BMP1: variants seen among roughly 807,000 people sequenced by gnomAD.
The protein encoded by BMP1 is bone morphogenetic protein 1.
In BMP1, 63 loss-of-function variants were observed where a neutral mutation model predicts 116.8. That is an observed-to-expected ratio of 0.54 (90% CI 0.44 to 0.67). The LOEUF (loss-of-function observed/expected upper bound fraction) is 0.67, where lower values mean the gene tolerates loss of function less well. Among genes scored for constraint, BMP1 ranks in the 30% least tolerant of loss-of-function variants. BMP1 has a pLI of 0.00. For synonymous variants in BMP1, 536 were observed against 533.4 expected (o/e 1.00, Z -0.07); for missense variants, 1,183 against 1,358.9 (o/e 0.87, Z 2.04).
chr8:22,206,830 C>A, intron 16 of BMP1, 24 bp from the exon 17 acceptor site: 1 of 1,614,012 alleles, frequency 6.2e-7, no homozygotes, highest in South Asian at 1.1e-5. Context: ...TCTCTATCCC[C>A]TTCCGTCACT....
At chr8:22,170,564 A>G (rs960508124) in intron 1 of BMP1, 3 of 152,180 alleles carry the variant, frequency 2.0e-5, no homozygotes, top group Non-Finnish European at 4.4e-5. Flanking sequence ...CCTTTGCTCT[A>G]TGTCCAAAGG....
At chr8:22,176,079 G>A (rs189654002) in intron 2 of BMP1, 64 bp from the exon 3 acceptor site, 8 of 1,542,430 alleles carry the variant, frequency 5.2e-6, no homozygotes, top group Middle Eastern at 3.4e-4. Context: ...AATGAGGTTT[G>A]ACTATGCTTT....
intron 19 of BMP1, among the ~76,000 whole-genome samples, chr8:22,209,972 C>G (rs1030055636): frequency 5.3e-5 from 8 of 152,274 alleles, no homozygotes; most frequent in Non-Finnish European, 1.0e-4. Context: ...CAGTTGGCCA[C>G]GGCCTGGAGC....
In BMP1 at chr8:22,206,842, G is replaced by A. The variant is rs200787977; in HGVS notation, c.2234-12G>A. The A allele has an allele frequency of 5.2e-3, 8,346 of 1,614,024 alleles. 21 individuals are homozygous for A. The highest frequency in any genetic ancestry group is 6.4e-3 in the Non-Finnish European group (7,581 of 1,179,972). ...CCCTCTCTATCCCCTTCCGTCACTC[G>A]CTTCCCTGCAGCCGGCTGTGACCAC... On this transcript the variant is annotated splice_polypyrimidine_tract_variant and intron_variant, in intron 16 of 19. Transcript: ENST00000306385.
chr8:22,211,646 C>A lies in BMP1; in HGVS notation c.2879C>A (p.Ser960Ter). 1 of 1,614,156 alleles carries A rather than the reference C, an allele frequency of 6.2e-7. No individual in the cohort carries two copies. The highest frequency in any genetic ancestry group is 8.5e-7 in the Non-Finnish European group (1 of 1,180,016). ...GATTCTGTCCTGGTGAAGTTCCACT[C>A]GGATGACACCATCACCAAAAAAGGT... ...AGDSVLVKFHSDDTITKKGFH... is the reference protein window; with the variant it reads ...AGDSVLVKFH The change falls in exon 20 of 20, where the codon TCG becomes TAG. Residue 960 changes from serine (S) to a stop codon, truncating the protein, a stop_gained. Transcript: ENST00000306385. LOFTEE classifies it high-confidence loss of function.
Position 22,207,330 on chromosome 8 carries a change from C to G in BMP1, c.2389C>G (p.Gln797Glu). 6.2e-7 allele frequency: 1 copy of G among 1,613,818 alleles called. No homozygotes were observed. ...CTTCATGGAGATGGACATCGAGTCCCAGCCTGAGTGTGCCTACGACCACCT... is the reference window on the plus strand; with the variant it reads ...CTTCATGGAGATGGACATCGAGTCCGAGCCTGAGTGTGCCTACGACCACCT... ...LTFMEMDIES[Q>E]PECAYDHLEV... Residue 797 changes from glutamine to glutamate, a missense_variant, in exon 18 of 20, where the codon CAG becomes GAG. Gln to Glu is a conservative substitution (Grantham distance 29, BLOSUM62 2). This residue lies in a region of BMP1 where 956 missense variants were observed against 1,135.2 expected (regional missense o/e 0.84). Coordinates refer to ENST00000306385, the MANE Select transcript of BMP1 (RefSeq NM_006129.5).
intron 19 of BMP1, among the ~76,000 whole-genome samples, chr8:22,210,712 G>C (rs1563284865): frequency 6.6e-6 from 1 of 152,184 alleles, no homozygotes; most frequent in South Asian, 2.1e-4. Context: ...GGTGGAGCCT[G>C]AAGCAGCTTG....
intron 16 of BMP1, among the ~76,000 whole-genome samples, chr8:22,205,838 A>G (rs1055371517): frequency 6.6e-6 from 1 of 152,194 alleles, no homozygotes; most frequent in Admixed American, 6.5e-5. Context: ...GGTCCTGAGC[A>G]CCCCGAAGGA....
chr8:22,180,597 A>G, intron 8 of BMP1, 114 bp downstream of exon 8: 2 of 934,830 alleles, frequency 2.1e-6, no homozygotes, highest in Non-Finnish European at 3.3e-6. Flanking sequence ...TGGCTACCGT[A>G]AATGTATCAA....
intron 1 of BMP1, among the ~76,000 whole-genome samples, chr8:22,168,588 A>C (rs1245828012): frequency 6.6e-6 from 1 of 152,152 alleles, no homozygotes; most frequent in East Asian, 1.9e-4. Flanking sequence ...GAGGGGCAGC[A>C]CTTACCAGCC....
At chr8:22,197,518 T>G (rs1162747013) in intron 15 of BMP1, 98 bp downstream of exon 15, 1 of 1,392,468 alleles carries the variant, frequency 7.2e-7, no homozygotes, top group African/African-American at 1.4e-5. Flanking sequence ...CAGCCCTCCC[T>G]GGTGCCAGGC....
intron 1 of BMP1, among the ~76,000 whole-genome samples, chr8:22,166,243 C>T (rs189807327): frequency 1.3e-5 from 2 of 151,988 alleles, no homozygotes; most frequent in African/African-American, 2.4e-5. Context: ...CAGAGACCCC[C>T]GCCAAGGCCA....
chr8:22,193,456 G>C (rs771861669), intron 9 of BMP1, among the ~76,000 whole-genome samples: 16 of 152,142 alleles, frequency 1.1e-4, no homozygotes, highest in Non-Finnish European at 1.9e-4. Flanking sequence ...TCTTTAGAAA[G>C]GTAAATAGAA....
At chr8:22,209,986 T>G (rs376375977) in intron 19 of BMP1, among the ~76,000 whole-genome samples, 263 of 152,384 alleles carry the variant, frequency 1.7e-3, no homozygotes, top group African/African-American at 6.0e-3. Flanking sequence ...CTGGAGCGGA[T>G]GGAGCTTCCT....
chr8:22,189,433 T>TACACAC (rs10672713), intron 8 of BMP1, among the ~76,000 whole-genome samples: 11,771 of 141,268 alleles, frequency 0.083, 958 homozygotes, highest in African/African-American at 0.21. Context: ...TTGATGGAGA[T>TACACAC]ACACACACAC....
chr8:22,189,464 A>AC (rs1828870863), intron 8 of BMP1, among the ~76,000 whole-genome samples: 1 of 137,164 alleles, frequency 7.3e-6, no homozygotes, highest in African/African-American at 2.5e-5. Flanking sequence ...ACACACACAT[A>AC]TCTTATATAT....
intron 15 of BMP1, chr8:22,201,224 CCCCTTGTTACTCAGGAA>C (rs764715074): frequency 1.1e-5 from 17 of 1,603,538 alleles, no homozygotes; most frequent in Non-Finnish European, 1.4e-5. Context: ...GCCTCCCGGA[CCCCTTGTTACTCAGGAA>C]CCTCACCTTG....
At chr8:22,199,807 C>T (rs73551721) in intron 15 of BMP1, among the ~76,000 whole-genome samples, 4,689 of 152,240 alleles carry the variant, frequency 0.031, 107 homozygotes, top group Middle Eastern at 0.11. Flanking sequence ...GGAGGGCTCT[C>T]GATCAGGCCC....
At chr8:22,169,453 G>T (rs554135151) in intron 1 of BMP1, 1 of 152,392 alleles carries the variant, frequency 6.6e-6, no homozygotes, top group East Asian at 1.9e-4. Flanking sequence ...GAAAACACAA[G>T]ATCCTGCACG....
Sources: gnomAD v4.1 joint callset for allele counts (sites outside exome capture counted in the v4.1 genomes callset) on GRCh38, gnomAD v4.1.1 for gene constraint, gnomAD v4.1.1 regional missense constraint, MANE v1.5 for transcripts, NCBI Gene and HGNC (gene_info 2026-07-23, HGNC 2026-07-21) for gene names.